CABCOCO1: variants seen among roughly 807,000 people sequenced by gnomAD.
CABCOCO1 encodes ciliary associated calcium binding coiled-coil 1, also known as ciliary-associated calcium-binding coiled-coil protein 1.
CABCOCO1 carries 28 observed loss-of-function variants against 35.7 expected under a neutral mutation model. The ratio of observed to expected loss-of-function variants is 0.78; its 90% CI spans 0.58 to 1.07. CABCOCO1 has a LOEUF of 1.07. CABCOCO1 is among the 50% of genes least tolerant of loss of function. The probability of loss-of-function intolerance (pLI) is 0.00; values close to 1 mark genes in which losing one functional copy is unlikely to be tolerated. For missense variants in CABCOCO1, 326 were observed against 309.2 expected, an observed-to-expected ratio of 1.05 and a Z score of -0.41; for synonymous variants, 95 against 100.1, an observed-to-expected ratio of 0.95 and a Z score of 0.30.
At position 61,763,136 on chromosome 10, in the gene CABCOCO1, A is replaced by AT. The variant is rs371753076; in HGVS notation, c.816+2140dup. Among the ~76,000 whole-genome samples the AT allele has an allele frequency of 2.5e-3, 375 of 152,058 alleles. 1 individual carries two copies. The highest frequency in any genetic ancestry group is 8.6e-3 in the African/African-American group (356 of 41,476). ...TAAGATGTTTTAAATTTTCTCACAG[A>AT]TTTTTTTCTCCTACTTTGTTTAAAA... On this transcript the variant is annotated intron_variant, in intron 7 of 7. Transcript: ENST00000648843.
chr10:61,761,799 C>T (rs539907610), intron 7 of CABCOCO1, among the ~76,000 whole-genome samples: 2 of 152,080 alleles, frequency 1.3e-5, no homozygotes, highest in East Asian at 3.9e-4. Flanking sequence ...TATTAAAAGC[C>T]CACTGTATTA....
rs1312531323 is a variant in CABCOCO1 at position 61,686,076 on chromosome 10, C to T, written c.370C>T (p.Leu124Phe). ...HMSLEESIKW[L>F]GEVMAEIGPT... ...GTCCTTAGAGGAAAGCATAAAATGGCTTGGAGAAGTTATGGCTGAAATAGG... is the reference window on the plus strand; with the variant it reads ...GTCCTTAGAGGAAAGCATAAAATGGTTTGGAGAAGTTATGGCTGAAATAGG... Residue 124 changes from leucine (L) to phenylalanine (F), a missense_variant, in exon 4 of 8, where the codon CTT (leucine) becomes TTT (phenylalanine). Transcript: ENST00000648843. 6.2e-7 allele frequency: 1 copy of T among 1,607,282 alleles called. No individual in the cohort carries two copies. Among genetic ancestry groups the T allele is most frequent in the Non-Finnish European group, 8.5e-7 (1 of 1,178,208 alleles).
intron 5 of CABCOCO1, among the ~76,000 whole-genome samples, chr10:61,721,325 CA>C (rs1841015025): frequency 6.6e-6 from 1 of 152,094 alleles, no homozygotes; most frequent in Non-Finnish European, 1.5e-5. Context: ...TGTCATGAAA[CA>C]GATGGGAAGA....
chr10:61,729,134 AT>A lies in CABCOCO1; in HGVS notation c.553-30919del, dbSNP rs552517043. ...AGATAAGTATAAGACATAATATAAT[AT>A]TTTTTCTAACTTTGACTTCTAAGAG... On this transcript the variant is annotated intron_variant, in intron 5 of 7. Transcript: ENST00000648843. Among the ~76,000 whole-genome samples, 200 of 152,194 alleles carry A rather than the reference AT, an allele frequency of 1.3e-3. 3 individuals carry two copies. The highest frequency in any genetic ancestry group is 4.9e-3 in the Admixed American group (75 of 15,264).
intron 5 of CABCOCO1, among the ~76,000 whole-genome samples, chr10:61,722,782 G>A (rs936413644): frequency 6.6e-6 from 1 of 151,960 alleles, no homozygotes; most frequent in Non-Finnish European, 1.5e-5. Flanking sequence ...AGCAGCAATG[G>A]CCATAGATCA....
At chr10:61,756,661 T>C (rs984983633) in intron 5 of CABCOCO1, among the ~76,000 whole-genome samples, 1 of 152,058 alleles carries the variant, frequency 6.6e-6, no homozygotes, top group African/African-American at 2.4e-5. Flanking sequence ...AAAATGGATG[T>C]ATGTGTATAA....
At chr10:61,720,220 A>G (rs1349141685) in intron 5 of CABCOCO1, among the ~76,000 whole-genome samples, 1 of 151,916 alleles carries the variant, frequency 6.6e-6, no homozygotes. Flanking sequence ...TTGAACTTCA[A>G]TTTTTTTTAA....
intron 5 of CABCOCO1, among the ~76,000 whole-genome samples, chr10:61,750,246 G>C (rs936315163): frequency 1.3e-5 from 2 of 152,118 alleles, no homozygotes. Context: ...AAACTACACT[G>C]TGTCTAAAAA....
chr10:61,712,409 T>C lies in CABCOCO1; in HGVS notation c.552+21788T>C, dbSNP rs191088334. ...TTTGTAAATTCTGGATATTAGCCCTTTGGCAGATGGGTAGATTACAAAAAT... is the reference window on the plus strand; with the variant it reads ...TTTGTAAATTCTGGATATTAGCCCTCTGGCAGATGGGTAGATTACAAAAAT... On this transcript the variant is annotated intron_variant, in intron 5 of 7. Coordinates refer to ENST00000648843, the MANE Select transcript of CABCOCO1 (RefSeq NM_001366906.2). Among the ~76,000 whole-genome samples, 394 of 152,326 alleles carry C rather than the reference T, an allele frequency of 2.6e-3. 5 individuals are homozygous for C. The highest frequency in any genetic ancestry group is 8.7e-3 in the African/African-American group (362 of 41,572).
At position 61,672,633 on chromosome 10, in the gene CABCOCO1, G is replaced by A. The variant is rs1183705005; in HGVS notation, c.62G>A (p.Arg21Lys). ...TCACTCCACATTGTGTTTTGGTAGA[G>A]AGACACTGAATTCCAGGAGCATGAA... Reference protein sequence around the residue: ...TPAGTTPESERDTEFQEHEKI... With the variant: ...TPAGTTPESEKDTEFQEHEKI... The change falls in exon 2 of 8, where the codon AGA (arginine) becomes AAA (lysine). Residue 21 changes from arginine (R) to lysine (K), a missense_variant and splice_region_variant. Coordinates refer to ENST00000648843, the MANE Select transcript of CABCOCO1 (RefSeq NM_001366906.2). The A allele has an allele frequency of 7.1e-6, 6 of 840,350 alleles. No homozygotes were observed. Among genetic ancestry groups the A allele is most frequent in the Non-Finnish European group, 8.6e-6 (6 of 698,032 alleles). The allele number at this position is 840,350 out of a possible 1,614,324, so 52.1% of individuals were successfully genotyped here. A position where few individuals can be genotyped will look rare whatever the true frequency, so the allele number is the denominator to read the frequency against.
intron 5 of CABCOCO1, among the ~76,000 whole-genome samples, chr10:61,722,263 C>A (rs1841041042): frequency 6.6e-6 from 1 of 151,958 alleles, no homozygotes; most frequent in African/African-American, 2.4e-5. Flanking sequence ...TCAATAAATT[C>A]CTATATTAGA....
chr10:61,748,542 G>A (rs969075191), intron 5 of CABCOCO1, among the ~76,000 whole-genome samples: 7 of 152,274 alleles, frequency 4.6e-5, no homozygotes, highest in African/African-American at 7.2e-5. Flanking sequence ...TGTTATGGCC[G>A]TTTTCTAGAC....
At chr10:61,716,369 T>G (rs1204210478) in intron 5 of CABCOCO1, among the ~76,000 whole-genome samples, 1 of 152,132 alleles carries the variant, frequency 6.6e-6, no homozygotes, top group African/African-American at 2.4e-5. Context: ...CTTGTTGCAT[T>G]GGTTAAAGCA....
chr10:61,751,045 CT>C (rs1375828104), intron 5 of CABCOCO1, among the ~76,000 whole-genome samples: 1 of 152,050 alleles, frequency 6.6e-6, no homozygotes. Context: ...TGACGAGAAA[CT>C]TCACAGAGTT....
intron 5 of CABCOCO1, among the ~76,000 whole-genome samples, chr10:61,731,970 A>G (rs1841314336): frequency 6.6e-6 from 1 of 152,120 alleles, no homozygotes; most frequent in East Asian, 1.9e-4. Flanking sequence ...ACAATGAAGA[A>G]TCTCATAATT....
At chr10:61,747,419 A>ATTC (rs1372401879) in intron 5 of CABCOCO1, among the ~76,000 whole-genome samples, 2 of 152,146 alleles carry the variant, frequency 1.3e-5, no homozygotes, top group African/African-American at 2.4e-5. Flanking sequence ...TGCATACCAG[A>ATTC]TCTTTCAAAG....
rs540727275 is a variant in CABCOCO1, at chr10:61,690,957, A to G, written c.552+336A>G. Among the ~76,000 whole-genome samples, 5 of 152,302 alleles carry G rather than the reference A, an allele frequency of 3.3e-5. No individual in the cohort carries two copies. The East Asian group carries it at 9.6e-4, about 29-fold the overall frequency. ...TTTGCAAAAAAGAATAATTATATAA[A>G]GTAAAGGTAATGGTAACTCAGTGAA... On this transcript the variant is annotated intron_variant, in intron 5 of 7. Coordinates refer to ENST00000648843, the MANE Select transcript of CABCOCO1 (RefSeq NM_001366906.2).
intron 5 of CABCOCO1, among the ~76,000 whole-genome samples, chr10:61,695,889 AT>A (rs1362783606): frequency 1.6e-4 from 24 of 152,200 alleles, no homozygotes; most frequent in Middle Eastern, 3.4e-3. Flanking sequence ...GATCAAAAAA[AT>A]AAGTACATTT....
intron 5 of CABCOCO1, among the ~76,000 whole-genome samples, chr10:61,752,051 T>A (rs1277770077): frequency 2.6e-5 from 4 of 152,210 alleles, no homozygotes; most frequent in African/African-American, 9.6e-5. Context: ...AAATCAGTTT[T>A]GTAGTTAATT....
Sources: gnomAD v4.1 joint callset for allele counts (sites outside exome capture counted in the v4.1 genomes callset) on GRCh38, gnomAD v4.1.1 for gene constraint, MANE v1.5 for transcripts, NCBI Gene and HGNC (gene_info 2026-07-23, HGNC 2026-07-21) for gene names.